The following ADAM20 variants were observed in gnomAD, a reference collection of about 807,000 sequenced individuals.
ADAM20 encodes ADAM metallopeptidase domain 20, also known as disintegrin and metalloproteinase domain-containing protein 20.
For missense variants in ADAM20, 871 were observed against 883.2 expected, an observed-to-expected ratio of 0.99 and a Z score of 0.18; for synonymous variants, 305 against 310.2, an observed-to-expected ratio of 0.98 and a Z score of 0.18.
At chr14:70,559,465 A>G in the ADAM20 span, among the ~76,000 whole-genome samples, 5 of 152,134 alleles carry the variant, frequency 3.3e-5, no homozygotes, top group African/African-American at 9.7e-5. Flanking sequence ...GCCTCCTAAC[A>G]TGTCTCCTGC....
chr14:70,544,099 C>T, the ADAM20 span, among the ~76,000 whole-genome samples: 30 of 151,734 alleles, frequency 2.0e-4, no homozygotes, highest in African/African-American at 7.0e-4. Context: ...CCCAAGATAA[C>T]CTCCCCTCCG....
chr14:70,536,283 T>C (rs1883829671), upstream of ADAM20, among the ~76,000 whole-genome samples: 1 of 151,686 alleles, frequency 6.6e-6, no homozygotes, highest in Admixed American at 6.6e-5. Context: ...CTGACCAACA[T>C]GGTGAAACCT....
chr14:70,557,829 T>C, the ADAM20 span, among the ~76,000 whole-genome samples: 4 of 152,182 alleles, frequency 2.6e-5, no homozygotes, highest in African/African-American at 9.7e-5. Flanking sequence ...TAATTTTTCT[T>C]CTAGTGTGAC....
chr14:70,564,037 C>T, the ADAM20 span, among the ~76,000 whole-genome samples: 2 of 152,218 alleles, frequency 1.3e-5, no homozygotes, highest in Admixed American at 6.5e-5. Flanking sequence ...GGGAAGGAGA[C>T]AGTGAAGAGT....
the ADAM20 span, among the ~76,000 whole-genome samples, chr14:70,549,147 GA>G: frequency 1.2e-5 from 1 of 82,798 alleles, no homozygotes; most frequent in Non-Finnish European, 2.3e-5. Context: ...AAGAGCTCCT[GA>G]AGGAAGCGCT....
the ADAM20 span, among the ~76,000 whole-genome samples, chr14:70,557,758 T>G: frequency 1.3e-5 from 2 of 152,152 alleles, no homozygotes; most frequent in Non-Finnish European, 2.9e-5. Context: ...AACATTTTTT[T>G]TTTTTTGCAA....
chr14:70,546,753 G>C, the ADAM20 span, among the ~76,000 whole-genome samples: 1 of 151,676 alleles, frequency 6.6e-6, no homozygotes, highest in Non-Finnish European at 1.5e-5. Context: ...TAAAGAACTA[G>C]AAAAGCAACA....
At chr14:70,566,535 T>C in the ADAM20 span, among the ~76,000 whole-genome samples, 3 of 151,796 alleles carry the variant, frequency 2.0e-5, no homozygotes, top group Non-Finnish European at 4.4e-5. Flanking sequence ...AACTACAGAA[T>C]AGACAGAAAA....
the ADAM20 span, among the ~76,000 whole-genome samples, chr14:70,571,034 A>G: frequency 6.6e-6 from 1 of 152,212 alleles, no homozygotes; most frequent in African/African-American, 2.4e-5. Flanking sequence ...ACACAGAAAA[A>G]GCATTCAATA....
the ADAM20 span, among the ~76,000 whole-genome samples, chr14:70,549,187 C>T: frequency 0.093 from 9,522 of 102,684 alleles, 567 homozygotes; most frequent in Non-Finnish European, 0.13. Context: ...CCGGTACCAG[C>T]CGCTGCAAAA....
At position 70,522,723 on chromosome 14, in the gene ADAM20, T is replaced by C. The variant is rs903029734; in HGVS notation, c.2035A>G (p.Lys679Glu). The change falls in exon 2 of 2, where the codon AAG (lysine) becomes GAG (glutamate). Residue 679 changes from lysine to glutamate, a missense_variant. By Grantham distance (56) the Lys-to-Glu change is moderately conservative. Coordinates refer to ENST00000256389, the MANE Select transcript of ADAM20 (RefSeq NM_003814.5). ...GGSADSGPPP[K>E]NNMEGLNVMG... The stretch of plus-strand genomic sequence containing the variant: ...ACATTTAATCCTTCCATGTTGTTCT[T>C]AGGAGGTGGGCCACTATCAGCACTA... 1.2e-6 allele frequency: 2 copies of C among 1,613,890 alleles called. No individual in the cohort carries two copies. Among genetic ancestry groups the C allele is most frequent in the African/African-American group, 1.3e-5 (1 of 74,914 alleles).
At position 70,524,917 on chromosome 14, in the gene ADAM20, A is replaced by C. The variant is rs200334934; in HGVS notation, c.-160T>G. 307 of 1,578,826 alleles carry C rather than the reference A, an allele frequency of 1.9e-4. No homozygotes were observed. The highest frequency in any genetic ancestry group is 2.3e-4 in the Non-Finnish European group (263 of 1,163,252). Reference sequence around the variant, plus strand: ...GGTGGAGCTGGACCATCAGAGCTGCAGTGCTGAAAATAAAAACTGAAAGAG... The same window carrying C: ...GGTGGAGCTGGACCATCAGAGCTGCCGTGCTGAAAATAAAAACTGAAAGAG... On this transcript the variant is annotated 5_prime_UTR_variant, in exon 2 of 2. Transcript: ENST00000256389.
chr14:70,523,215 AT>A lies in ADAM20; in HGVS notation c.1542del (p.Gln514HisfsTer34). The A allele has an allele frequency of 6.2e-7, 1 of 1,614,002 alleles. No individual in the cohort carries two copies. Among genetic ancestry groups the A allele is most frequent in the South Asian group, 1.1e-5 (1 of 91,076 alleles). On this transcript the variant is annotated frameshift_variant, in exon 2 of 2. Transcript: ENST00000256389. LOFTEE classifies it low-confidence loss of function (END_TRUNC). ...YEKTCNNHDI[Q>X]CKEIFGQDAR... ...GCATCTTGGCCAAAAATCTCTTTACATTGTATATCATGGTTATTACACGTCT... is the reference window on the plus strand; with the variant it reads ...GCATCTTGGCCAAAAATCTCTTTACATGTATATCATGGTTATTACACGTCT...
the ADAM20 span, among the ~76,000 whole-genome samples, chr14:70,543,990 T>A: frequency 1.3e-5 from 2 of 151,866 alleles, no homozygotes; most frequent in East Asian, 3.9e-4. Flanking sequence ...ACAAGTGACA[T>A]CTCCAACCAG....
At chr14:70,573,766 T>C in the ADAM20 span, among the ~76,000 whole-genome samples, 1 of 152,010 alleles carries the variant, frequency 6.6e-6, no homozygotes, top group Admixed American at 6.6e-5. Flanking sequence ...GGACTTTACA[T>C]CAAAAACTGT....
rs1354239710 is a variant in ADAM20 at position 70,524,679 on chromosome 14, C to A, written c.79G>T (p.Gly27Cys). 6.2e-7 allele frequency: 1 copy of A among 1,613,802 alleles called. No homozygotes were observed. The highest frequency in any genetic ancestry group is 8.5e-7 in the Non-Finnish European group (1 of 1,179,938). The change falls in exon 2 of 2, where the codon GGC becomes TGC. Residue 27 changes from glycine to cysteine, a missense_variant. Gly to Cys is a radical substitution (Grantham distance 159). Transcript: ENST00000256389. Reference sequence around the variant, plus strand: ...TGGGAGGGCCTGGCCTGAGAGTGGCCAGAAATAGACAAAAACATCCCAAAC... The same window carrying A: ...TGGGAGGGCCTGGCCTGAGAGTGGCAAGAAATAGACAAAAACATCCCAAAC... ...LWFGMFLSISGHSQARPSQYF... is the reference protein window; with the variant it reads ...LWFGMFLSISCHSQARPSQYF...
At chr14:70,526,260 C>A (rs1883588490) in intron 1 of ADAM20, among the ~76,000 whole-genome samples, 1 of 152,162 alleles carries the variant, frequency 6.6e-6, no homozygotes, top group Non-Finnish European at 1.5e-5. Flanking sequence ...ATACTGGTGG[C>A]CTCAATATTC....
At chr14:70,570,028 CTCT>C in the ADAM20 span, among the ~76,000 whole-genome samples, 1 of 150,696 alleles carries the variant, frequency 6.6e-6, no homozygotes. Context: ...ATGCAACATT[CTCT>C]AAATTTGACC....
At chr14:70,532,378 C>A (rs7154904) in intron 1 of ADAM20, among the ~76,000 whole-genome samples, 32,923 of 151,488 alleles carry the variant, frequency 0.22, 4,710 homozygotes, top group East Asian at 0.53. Flanking sequence ...TTTAAAAAAA[C>A]ACACACGAGA....
Sources: gnomAD v4.1 joint callset for allele counts (sites outside exome capture counted in the v4.1 genomes callset) on GRCh38, gnomAD v4.1.1 for gene constraint, MANE v1.5 for transcripts, NCBI Gene and HGNC (gene_info 2026-07-23, HGNC 2026-07-21) for gene names.